Variants in AHCYL2 observed in about 807,000 individuals in gnomAD.
AHCYL2 encodes the protein adenosylhomocysteinase like 2, also known as S-adenosylhomocysteine hydrolase-like protein 2.
AHCYL2 carries 28 observed loss-of-function variants against 81.4 expected under a neutral mutation model. The ratio of observed to expected loss-of-function variants is 0.34; its 90% confidence interval spans 0.25 to 0.47. The LOEUF is 0.47. AHCYL2 is among the 20% of genes least tolerant of loss of function. The probability of loss-of-function intolerance (pLI) is 1.00; values close to 1 mark genes in which losing one functional copy is unlikely to be tolerated. For missense variants in AHCYL2, 551 were observed against 785.1 expected (o/e 0.70, Z 3.56); for synonymous variants, 272 against 290.2 (o/e 0.94, Z 0.64).
At chr7:129,400,216 A>G in intron 5 of AHCYL2, 74 bp from the exon 6 acceptor site, 1 of 1,336,872 alleles carries the variant, frequency 7.5e-7, no homozygotes, top group Non-Finnish European at 1.1e-6. Context: ...GAAAAACCAG[A>G]ATCTTCTCAC....
intron 1 of AHCYL2, among the ~76,000 whole-genome samples, chr7:129,231,099 G>T (rs1350303595): frequency 6.6e-6 from 1 of 152,050 alleles, no homozygotes; most frequent in African/African-American, 2.4e-5. Context: ...GGGCATGGTG[G>T]TGCACTCCTA....
At chr7:129,235,377 A>G (rs1035964841) in intron 1 of AHCYL2, among the ~76,000 whole-genome samples, 4 of 149,934 alleles carry the variant, frequency 2.7e-5, no homozygotes, top group Non-Finnish European at 4.4e-5. Context: ...CTAAAGGACT[A>G]GGATTACAGA....
chr7:129,264,677 G>C (rs1795757211), intron 1 of AHCYL2, among the ~76,000 whole-genome samples: 1 of 152,170 alleles, frequency 6.6e-6, no homozygotes, highest in Admixed American at 6.5e-5. Context: ...GTTGTGCTTA[G>C]CTGAGTTAGA....
chr7:129,269,886 T>A (rs6967464), intron 1 of AHCYL2, among the ~76,000 whole-genome samples: 3 of 151,990 alleles, frequency 2.0e-5, no homozygotes, highest in Non-Finnish European at 4.4e-5. Context: ...TTATGGACAT[T>A]AAAATATATT....
intron 1 of AHCYL2, among the ~76,000 whole-genome samples, chr7:129,285,304 A>G (rs1271391697): frequency 6.6e-6 from 1 of 152,182 alleles, no homozygotes; most frequent in African/African-American, 2.4e-5. Flanking sequence ...AGTTCACACA[A>G]GTTTGTTGAA....
At chr7:129,414,420 CTTTTTTTTTT>C (rs10653631) in intron 12 of AHCYL2, among the ~76,000 whole-genome samples, 9 of 125,474 alleles carry the variant, frequency 7.2e-5, no homozygotes, top group Admixed American at 9.1e-5. Flanking sequence ...AATGTTGTTT[CTTTTTTTTTT>C]TTTTTTTTGA....
At chr7:129,375,729 A>G (rs1794649990) in intron 1 of AHCYL2, 1 of 1,459,868 alleles carries the variant, frequency 6.8e-7, no homozygotes, top group African/African-American at 1.4e-5. Context: ...CAGGGATTCC[A>G]AGGAAGAGTA....
chr7:129,409,640 T>TA, intron 11 of AHCYL2, 94 bp downstream of exon 11: 1 of 1,090,608 alleles, frequency 9.2e-7, no homozygotes, highest in Non-Finnish European at 1.4e-6. Context: ...AACCAAACTC[T>TA]AAAAGCTAGA....
chr7:129,363,373 A>G (rs1794000546), intron 1 of AHCYL2, among the ~76,000 whole-genome samples: 1 of 152,160 alleles, frequency 6.6e-6, no homozygotes, highest in Non-Finnish European at 1.5e-5. Flanking sequence ...ATAGGCCTTC[A>G]GTTCTCAAAT....
intron 1 of AHCYL2, among the ~76,000 whole-genome samples, chr7:129,369,714 G>T (rs1794288252): frequency 6.6e-6 from 1 of 151,904 alleles, no homozygotes; most frequent in Admixed American, 6.6e-5. Flanking sequence ...CACCATACCG[G>T]GTAATTTTTG....
intron 1 of AHCYL2, among the ~76,000 whole-genome samples, chr7:129,305,916 C>T (rs1254404554): frequency 1.3e-5 from 2 of 152,138 alleles, no homozygotes; most frequent in Non-Finnish European, 2.9e-5. Context: ...TATGTCATGC[C>T]ACTCTCTCCT....
chr7:129,366,144 C>G (rs529562911), intron 1 of AHCYL2, among the ~76,000 whole-genome samples: 102 of 152,242 alleles, frequency 6.7e-4, no homozygotes, highest in South Asian at 2.9e-3. Context: ...TCACTCAAGT[C>G]GCCTCAACTC....
chr7:129,403,860 C>CAAAAA lies in AHCYL2; in HGVS notation c.1025+402_1025+406dup, dbSNP rs34806455. Among the ~76,000 whole-genome samples the CAAAAA allele has an allele frequency of 1.4e-3, 110 of 80,204 alleles. 8 individuals carry two copies. Among genetic ancestry groups the CAAAAA allele is most frequent in the Middle Eastern group, 7.1e-3 (1 of 140 alleles). 52.6% of individuals were successfully genotyped at this position (80,204 alleles called of 152,430 possible). ...TGGGTGACAGAGCGAGACTCCATCT[C>CAAAAA]AAAAAAAAAAAAAAAAAAAAAAAAA... On this transcript the variant is annotated intron_variant, in intron 7 of 16. Coordinates refer to ENST00000325006, the MANE Select transcript of AHCYL2 (RefSeq NM_015328.4).
intron 1 of AHCYL2, among the ~76,000 whole-genome samples, chr7:129,365,321 A>G (rs1479820428): frequency 6.6e-6 from 1 of 152,214 alleles, no homozygotes; most frequent in African/African-American, 2.4e-5. Context: ...AGAAAATGAC[A>G]TGAGCAAAGG....
At chr7:129,420,677 G>A (rs542045520) in intron 12 of AHCYL2, among the ~76,000 whole-genome samples, 7 of 151,114 alleles carry the variant, frequency 4.6e-5, no homozygotes, top group Admixed American at 1.3e-4. Flanking sequence ...GTAGAGACAA[G>A]GTCTCACTAT....
intron 1 of AHCYL2, among the ~76,000 whole-genome samples, chr7:129,239,816 T>A (rs1794778672): frequency 7.2e-6 from 1 of 138,302 alleles, no homozygotes; most frequent in Non-Finnish European, 1.6e-5. Flanking sequence ...ACACACAGAC[T>A]CCCTACACAC....
intron 1 of AHCYL2, among the ~76,000 whole-genome samples, chr7:129,309,650 C>T (rs977164012): frequency 1.3e-5 from 2 of 152,212 alleles, no homozygotes; most frequent in African/African-American, 2.4e-5. Flanking sequence ...CTGCCAGCCC[C>T]CGCATTCCTG....
intron 1 of AHCYL2, among the ~76,000 whole-genome samples, chr7:129,263,440 G>A (rs1356103437): frequency 6.6e-6 from 1 of 152,222 alleles, no homozygotes; most frequent in Non-Finnish European, 1.5e-5. Flanking sequence ...CCAGGAAGGA[G>A]CAGTGATTTT....
At chr7:129,333,356 A>C (rs1354991424) in intron 1 of AHCYL2, among the ~76,000 whole-genome samples, 2 of 151,792 alleles carry the variant, frequency 1.3e-5, no homozygotes, top group Non-Finnish European at 2.9e-5. Flanking sequence ...CAAGGTGTCT[A>C]ATTGAATGTG....
Sources: allele counts gnomAD v4.1 joint callset (sites outside exome capture counted in the v4.1 genomes callset), GRCh38; gene constraint gnomAD v4.1.1; transcripts MANE v1.5; gene names NCBI Gene and HGNC (gene_info 2026-07-23, HGNC 2026-07-21).